Variants in XKR6 observed in about 807,000 individuals in gnomAD.
XKR6 encodes the protein XK related 6.
XKR6 carries 22 observed loss-of-function variants against 56.7 expected under a neutral mutation model. That is an observed-to-expected ratio of 0.39 (90% CI 0.28 to 0.55). The LOEUF (loss-of-function observed/expected upper bound fraction) is 0.55. Ranked by LOEUF, XKR6 falls within the 20% of genes least tolerant of loss-of-function variation. The pLI is 0.66. For missense variants in XKR6, 852 were observed against 889.0 expected (o/e 0.96, Z 0.53); for synonymous variants, 524 against 387.8 (o/e 1.35, Z -4.13).
chr8:11,063,264 G>T (rs1013001359), intron 1 of XKR6, among the ~76,000 whole-genome samples: 5 of 150,124 alleles, frequency 3.3e-5, no homozygotes, highest in African/African-American at 1.2e-4. Flanking sequence ...CAGAGGGACA[G>T]AACTAATAAA....
intron 1 of XKR6, among the ~76,000 whole-genome samples, chr8:10,926,879 G>C (rs184559394): frequency 1.7e-3 from 254 of 152,338 alleles, no homozygotes; most frequent in African/African-American, 5.1e-3. Flanking sequence ...GTTGCACCTA[G>C]TCTCAGAGCT....
chr8:10,919,460 C>T (rs1027071619), intron 2 of XKR6, among the ~76,000 whole-genome samples: 2 of 152,246 alleles, frequency 1.3e-5, no homozygotes, highest in Non-Finnish European at 2.9e-5. Flanking sequence ...GCCTGTTATG[C>T]TCCCCATTGT....
rs5889356 is a variant in XKR6 at position 11,045,075 on chromosome 8, C to CTTTTTTT, written c.765-120252_765-120246dup. On this transcript the variant is annotated intron_variant, in intron 1 of 2. Transcript: ENST00000416569. ...TTACCATTTCCACCCTCAAATCACT[C>CTTTTTTT]TTTTTTTTTTTTTTTTTTTTTTTTT... Among the ~76,000 whole-genome samples, 20 of 36,038 alleles carry CTTTTTTT rather than the reference C, an allele frequency of 5.5e-4. 4 individuals carry two copies. Among genetic ancestry groups the CTTTTTTT allele is most frequent in the Non-Finnish European group, 7.7e-4 (15 of 19,414 alleles). The allele number at this position is 36,038 out of a possible 152,430, so 23.6% of individuals were successfully genotyped here. A position where few individuals can be genotyped will look rare whatever the true frequency, so the allele number is the denominator to read the frequency against.
chr8:11,190,624 A>C (rs1803524805), intron 1 of XKR6, among the ~76,000 whole-genome samples: 1 of 152,252 alleles, frequency 6.6e-6, no homozygotes, highest in Non-Finnish European at 1.5e-5. Context: ...GTTTAATATT[A>C]ACACATTAGA....
chr8:11,089,329 G>T (rs187836788), intron 1 of XKR6, among the ~76,000 whole-genome samples: 1 of 152,196 alleles, frequency 6.6e-6, no homozygotes, highest in Non-Finnish European at 1.5e-5. Flanking sequence ...CTGGGGTTGA[G>T]TGCTTTTTAA....
At chr8:11,003,419 TCATCAA>T (rs1798291523) in intron 1 of XKR6, among the ~76,000 whole-genome samples, 1 of 152,030 alleles carries the variant, frequency 6.6e-6, no homozygotes, top group Admixed American at 6.6e-5. Context: ...ATCATAATTA[TCATCAA>T]CATCATCACC....
intron 1 of XKR6, among the ~76,000 whole-genome samples, chr8:11,040,004 G>C (rs1050998271): frequency 1.3e-5 from 2 of 152,156 alleles, no homozygotes; most frequent in African/African-American, 4.8e-5. Flanking sequence ...TCCAGCAATT[G>C]CTCACTTTCC....
chr8:11,123,537 A>C, intron 1 of XKR6: 2 of 259,056 alleles, frequency 7.7e-6, no homozygotes, highest in Non-Finnish European at 1.5e-5. Flanking sequence ...CTTCTATGAC[A>C]ATATCATCAC....
chr8:11,105,849 A>G (rs925225268), intron 1 of XKR6: 1 of 152,220 alleles, frequency 6.6e-6, no homozygotes, highest in African/African-American at 2.4e-5. Flanking sequence ...ATTTTCATAC[A>G]TGGAACACAA....
At chr8:11,052,978 A>G (rs1254824128) in intron 1 of XKR6, among the ~76,000 whole-genome samples, 2 of 152,128 alleles carry the variant, frequency 1.3e-5, no homozygotes, top group African/African-American at 4.8e-5. Context: ...CACAGTGCTG[A>G]GGGGCTCAGT....
At chr8:10,949,313 GAGA>G (rs1041764703) in intron 1 of XKR6, among the ~76,000 whole-genome samples, 1 of 152,262 alleles carries the variant, frequency 6.6e-6, no homozygotes, top group African/African-American at 2.4e-5. Context: ...GCCCTGCAGG[GAGA>G]AGGCCTGCCC....
At chr8:11,197,240 A>C (rs952675376) in intron 1 of XKR6, among the ~76,000 whole-genome samples, 4 of 152,186 alleles carry the variant, frequency 2.6e-5, no homozygotes, top group Non-Finnish European at 5.9e-5. Context: ...CACACATAAA[A>C]CTACATCCAT....
chr8:11,122,020 C>A (rs1799483861), intron 1 of XKR6, among the ~76,000 whole-genome samples: 2 of 152,206 alleles, frequency 1.3e-5, no homozygotes, highest in African/African-American at 2.4e-5. Context: ...GAACATCACA[C>A]ACAATGGGAT....
At chr8:11,173,503 C>T (rs1484571538) in intron 1 of XKR6, among the ~76,000 whole-genome samples, 2 of 152,042 alleles carry the variant, frequency 1.3e-5, no homozygotes, top group South Asian at 2.1e-4. Context: ...TGGAGCCAGA[C>T]TGACTAAACT....
At chr8:11,089,033 G>A (rs1351250101) in intron 1 of XKR6, among the ~76,000 whole-genome samples, 2 of 152,186 alleles carry the variant, frequency 1.3e-5, no homozygotes, top group African/African-American at 2.4e-5. Flanking sequence ...TCAGAGTAAG[G>A]GACAGGAGAT....
chr8:11,175,591 T>C (rs1004446824), intron 1 of XKR6: 1 of 152,210 alleles, frequency 6.6e-6, no homozygotes, highest in Non-Finnish European at 1.5e-5. Context: ...ATAAAATAAA[T>C]GCAATCAAAA....
At chr8:11,189,237 A>G (rs1803423149) in intron 1 of XKR6, among the ~76,000 whole-genome samples, 1 of 152,216 alleles carries the variant, frequency 6.6e-6, no homozygotes, top group African/African-American at 2.4e-5. Context: ...TGAAATATCA[A>G]TTTCCAAGCA....
chr8:10,963,540 C>A (rs1377068632), intron 1 of XKR6, among the ~76,000 whole-genome samples: 1 of 113,266 alleles, frequency 8.8e-6, no homozygotes, highest in Non-Finnish European at 1.8e-5. Context: ...ACAAAGAAGA[C>A]CCTTCCTTTT....
chr8:11,082,152 T>C (rs1797744072), intron 1 of XKR6, among the ~76,000 whole-genome samples: 2 of 152,108 alleles, frequency 1.3e-5, no homozygotes, highest in Non-Finnish European at 2.9e-5. Context: ...GCAGAGGAAA[T>C]TCAAGGAGCC....
Sources: allele counts gnomAD v4.1 joint callset (sites outside exome capture counted in the v4.1 genomes callset), GRCh38; gene constraint gnomAD v4.1.1; transcripts MANE v1.5; gene names NCBI Gene and HGNC (gene_info 2026-07-23, HGNC 2026-07-21).